The following ESRRG variants were observed in gnomAD, a reference collection of about 807,000 sequenced individuals.
ESRRG encodes estrogen-related receptor gamma.
ESRRG carries 13 observed loss-of-function variants against 44.0 expected under a neutral mutation model. That is an observed-to-expected ratio of 0.30 (90% CI 0.19 to 0.47). The LOEUF (loss-of-function observed/expected upper bound fraction) is 0.47. ESRRG is among the 20% of genes least tolerant of loss of function. The probability of loss-of-function intolerance (pLI) is 1.00; values close to 1 mark genes in which losing one functional copy is unlikely to be tolerated. For synonymous variants in ESRRG, 215 were observed against 214.6 expected (o/e 1.00, Z -0.02); for missense variants, 395 against 580.6 (o/e 0.68, Z 3.29).
chr1:216,838,301 A>C (rs1221083815), intron 2 of ESRRG, among the ~76,000 whole-genome samples: 3 of 152,212 alleles, frequency 2.0e-5, no homozygotes, highest in Non-Finnish European at 2.9e-5. Context: ...GTGTGGCAAC[A>C]GAAACTGGGT....
At chr1:217,122,453 C>T (rs1024485780) in intron 1 of ESRRG, among the ~76,000 whole-genome samples, 1 of 152,066 alleles carries the variant, frequency 6.6e-6, no homozygotes, top group Admixed American at 6.5e-5. Flanking sequence ...TGTAATGATA[C>T]CTGTATTAAG....
chr1:216,862,161 T>C (rs1280509152), intron 2 of ESRRG: 1 of 151,990 alleles, frequency 6.6e-6, no homozygotes, highest in African/African-American at 2.4e-5. Flanking sequence ...TAATATATGA[T>C]CTGTTCTCAG....
At chr1:216,703,819 G>A (rs1383138869) in intron 1 of ESRRG, among the ~76,000 whole-genome samples, 1 of 151,626 alleles carries the variant, frequency 6.6e-6, no homozygotes, top group Non-Finnish European at 1.5e-5. Context: ...GGGTGAATGG[G>A]GGATAAACTT....
rs997990066 is a variant in ESRRG, at chr1:216,643,094, A to G, written c.589+7879T>C. On this transcript the variant is annotated intron_variant, in intron 3 of 6. Transcript: ENST00000408911. ...GAAGACTCTCAGAGTTCCCACTGCCATATATAAATCAAGACTCAAGCTGTG... is the reference window on the plus strand; with the variant it reads ...GAAGACTCTCAGAGTTCCCACTGCCGTATATAAATCAAGACTCAAGCTGTG... Among the ~76,000 whole-genome samples, 15 of 152,324 alleles carry G rather than the reference A, an allele frequency of 9.8e-5. No individual in the cohort carries two copies. The South Asian group carries it at 1.0e-3, about 11-fold the overall frequency.
intron 1 of ESRRG, among the ~76,000 whole-genome samples, chr1:216,717,703 TTACC>T (rs2085207292): frequency 6.6e-6 from 1 of 151,876 alleles, no homozygotes; most frequent in African/African-American, 2.4e-5. Flanking sequence ...ACTTCTAAAC[TTACC>T]TCTTAGAATA....
chr1:216,988,873 T>C (rs1217721331), intron 1 of ESRRG, among the ~76,000 whole-genome samples: 2 of 152,058 alleles, frequency 1.3e-5, no homozygotes, highest in Non-Finnish European at 2.9e-5. Flanking sequence ...GAATGAAAAA[T>C]AAGTGTGCCT....
chr1:216,853,468 T>C (rs2095870893), intron 2 of ESRRG, among the ~76,000 whole-genome samples: 2 of 152,170 alleles, frequency 1.3e-5, no homozygotes. Flanking sequence ...AGTGTTCTAT[T>C]TAGCAATTAT....
chr1:216,715,597 AT>A (rs929762765), intron 1 of ESRRG, among the ~76,000 whole-genome samples: 3 of 151,828 alleles, frequency 2.0e-5, no homozygotes, highest in Non-Finnish European at 4.4e-5. Flanking sequence ...CTCACAGTTT[AT>A]TTTTTTTCTC....
chr1:216,994,610 C>T (rs967896544), intron 1 of ESRRG, among the ~76,000 whole-genome samples: 1 of 152,098 alleles, frequency 6.6e-6, no homozygotes. Context: ...CTTGAGACTC[C>T]TCTCTGTATC....
At chr1:216,554,889 C>T (rs561598948) in intron 5 of ESRRG, among the ~76,000 whole-genome samples, 1 of 152,274 alleles carries the variant, frequency 6.6e-6, no homozygotes, top group South Asian at 2.1e-4. Flanking sequence ...TTGCCTTCCT[C>T]TTCTCCTTTC....
At chr1:217,055,191 A>C (rs868541024) in intron 1 of ESRRG, among the ~76,000 whole-genome samples, 7 of 152,144 alleles carry the variant, frequency 4.6e-5, no homozygotes, top group African/African-American at 1.7e-4. Flanking sequence ...TGAGGTTTAG[A>C]ATCCTTAGAC....
intron 3 of ESRRG, among the ~76,000 whole-genome samples, chr1:216,575,716 G>T (rs1009621145): frequency 2.6e-5 from 4 of 152,042 alleles, no homozygotes; most frequent in Admixed American, 6.6e-5. Flanking sequence ...TGTTTAAACT[G>T]CTTCTCTGCC....
At chr1:217,051,863 A>C (rs947888818) in intron 1 of ESRRG, among the ~76,000 whole-genome samples, 1 of 152,174 alleles carries the variant, frequency 6.6e-6, no homozygotes, top group Admixed American at 6.5e-5. Flanking sequence ...CCTGGGCTCA[A>C]GCAATCCTCC....
intron 2 of ESRRG, among the ~76,000 whole-genome samples, chr1:216,880,742 CAGGAAAGTATATTA>C (rs1307563499): frequency 6.6e-6 from 1 of 151,934 alleles, no homozygotes; most frequent in Non-Finnish European, 1.5e-5. Flanking sequence ...CTAAATATGG[CAGGAAAGTATATTA>C]AGGAATATGA....
chr1:216,957,907 T>C (rs902066340), intron 1 of ESRRG, among the ~76,000 whole-genome samples: 2 of 152,176 alleles, frequency 1.3e-5, no homozygotes, highest in African/African-American at 4.8e-5. Flanking sequence ...ATTCCTATCA[T>C]CCCCAAAAGT....
intron 2 of ESRRG, among the ~76,000 whole-genome samples, chr1:216,871,604 C>A (rs887177225): frequency 6.6e-6 from 1 of 151,890 alleles, no homozygotes; most frequent in Non-Finnish European, 1.5e-5. Flanking sequence ...GTAGATTTGC[C>A]TATTTCTACT....
At position 216,779,494 on chromosome 1, in the gene ESRRG, T is replaced by A. The variant is rs1386260153; in HGVS notation, c.-13-102003A>T. 2.2e-3 allele frequency among the ~76,000 whole-genome samples: 10 copies of A among 4,598 alleles called. 1 individual carries two copies. The highest frequency in any genetic ancestry group is 5.5e-3 in the Admixed American group (1 of 182). The allele number at this position is 4,598 out of a possible 152,430, so 3.0% of individuals were successfully genotyped here. ...TATATTTATAAATATAAATATATAT[T>A]TATATATAAATATATATTTATAAAT... On this transcript the variant is annotated intron_variant, in intron 2 of 7. Transcript: ENST00000359162.
chr1:216,962,194 G>A (rs924037605), intron 1 of ESRRG, among the ~76,000 whole-genome samples: 15 of 152,162 alleles, frequency 9.9e-5, no homozygotes, highest in African/African-American at 3.4e-4. Context: ...AAGTGGTTTG[G>A]GAGAATCTGA....
At chr1:216,672,021 GAAAA>G (rs2075279016) in intron 2 of ESRRG, among the ~76,000 whole-genome samples, 1 of 145,370 alleles carries the variant, frequency 6.9e-6, no homozygotes, top group Admixed American at 6.9e-5. Context: ...AAAAAGAAAA[GAAAA>G]GAAGGAAGGA....
Sources: gnomAD v4.1 joint callset for allele counts (sites outside exome capture counted in the v4.1 genomes callset) on GRCh38, gnomAD v4.1.1 for gene constraint, MANE v1.5 for transcripts, NCBI Gene and HGNC (gene_info 2026-07-23, HGNC 2026-07-21) for gene names.